ZDHHC7: variants seen among roughly 807,000 people sequenced by gnomAD.
The protein encoded by ZDHHC7 is zDHHC palmitoyltransferase 7.
In ZDHHC7, 12 loss-of-function variants were observed where a neutral mutation model predicts 34.1. The observed-to-expected ratio is 0.35, with a 90% CI of 0.23 to 0.57. The LOEUF is 0.57. Among genes scored for constraint, ZDHHC7 ranks in the 20% least tolerant of loss-of-function variants. The probability of loss-of-function intolerance (pLI) is 0.84; values close to 1 mark genes in which losing one functional copy is unlikely to be tolerated. For missense variants in ZDHHC7, 388 were observed against 402.7 expected (o/e 0.96, Z 0.31); for synonymous variants, 185 against 155.4 (o/e 1.19, Z -1.42).
chr16:85,008,060 G>A (rs9929953), intron 1 of ZDHHC7, among the ~76,000 whole-genome samples: 95,770 of 151,856 alleles, frequency 0.63, 32,555 homozygotes, highest in African/African-American at 0.89. Flanking sequence ...AGGCTGTAGT[G>A]AGCCATGATT....
At chr16:84,977,838 G>A (rs2072317852) in intron 6 of ZDHHC7, 86 bp downstream of exon 6, 1 of 1,086,992 alleles carries the variant, frequency 9.2e-7, no homozygotes, top group South Asian at 1.5e-5. Flanking sequence ...TTCAAAATTG[G>A]AAAACTGGTT....
intron 3 of ZDHHC7, among the ~76,000 whole-genome samples, chr16:84,984,523 T>A (rs764623837): frequency 5.3e-5 from 8 of 152,180 alleles, no homozygotes; most frequent in African/African-American, 9.6e-5. Flanking sequence ...GCAGCAAATA[T>A]GATACGATGT....
chr16:84,987,493 A>G (rs1365105306), intron 3 of ZDHHC7, among the ~76,000 whole-genome samples: 2 of 141,368 alleles, frequency 1.4e-5, no homozygotes, highest in South Asian at 2.3e-4. Flanking sequence ...TTTTTTTTCC[A>G]TTTTCTTTTT....
At chr16:84,987,460 T>C (rs80158454) in intron 3 of ZDHHC7, among the ~76,000 whole-genome samples, 3 of 151,234 alleles carry the variant, frequency 2.0e-5, no homozygotes, top group African/African-American at 7.3e-5. Context: ...TTTTTTTTTT[T>C]CATCATTCCC....
At position 84,975,421 on chromosome 16, in the gene ZDHHC7, C is replaced by T. The variant is rs560322762; in HGVS notation, c.*922G>A. On this transcript the variant is annotated 3_prime_UTR_variant, in exon 8 of 8. Coordinates refer to ENST00000313732, the MANE Select transcript of ZDHHC7 (RefSeq NM_017740.3). The stretch of plus-strand genomic sequence containing the variant: ...CGCAGCTCTGCTCTTACCTAGGTGC[C>T]ATTTATACACTGCTAATTTGGCTGG... 1 of 152,002 alleles carries T rather than the reference C, an allele frequency of 6.6e-6. No homozygotes were observed. Among genetic ancestry groups the T allele is most frequent in the Non-Finnish European group, 1.5e-5 (1 of 67,972 alleles). 9.4% of individuals were successfully genotyped at this position (152,002 alleles called of 1,614,324 possible).
At chr16:84,977,016 C>A in intron 7 of ZDHHC7, 79 bp downstream of exon 7, 1 of 1,574,520 alleles carries the variant, frequency 6.4e-7, no homozygotes, top group East Asian at 2.2e-5. Context: ...CCACAGGCAC[C>A]TATTGTTGAC....
chr16:84,986,839 A>T (rs970615428), intron 3 of ZDHHC7, among the ~76,000 whole-genome samples: 2 of 152,216 alleles, frequency 1.3e-5, no homozygotes, highest in Non-Finnish European at 2.9e-5. Flanking sequence ...TGTTCAGTTC[A>T]GAGGTGATGT....
At chr16:85,025,420 T>TG in the ZDHHC7 span, among the ~76,000 whole-genome samples, 182 of 111,924 alleles carry the variant, frequency 1.6e-3, no homozygotes, top group South Asian at 0.012. Flanking sequence ...ATTCCTTTTT[T>TG]GGGGGGGGGG....
chr16:85,019,181 G>A, the ZDHHC7 span, among the ~76,000 whole-genome samples: 1 of 152,090 alleles, frequency 6.6e-6, no homozygotes, highest in Non-Finnish European at 1.5e-5. Context: ...TCCCTCCCTC[G>A]CATTCCTGCA....
At chr16:84,993,538 G>C (rs1401578531) in intron 2 of ZDHHC7, among the ~76,000 whole-genome samples, 1 of 151,484 alleles carries the variant, frequency 6.6e-6, no homozygotes, top group African/African-American at 2.4e-5. Flanking sequence ...GCTGTTTGGG[G>C]GACTGACGTG....
chr16:84,992,188 G>A (rs567678882), intron 2 of ZDHHC7, among the ~76,000 whole-genome samples: 1 of 151,816 alleles, frequency 6.6e-6, no homozygotes, highest in Admixed American at 6.6e-5. Flanking sequence ...AAAAAAGTGG[G>A]TCAGGTGCGG....
the ZDHHC7 span, among the ~76,000 whole-genome samples, chr16:85,021,284 C>A: frequency 6.6e-6 from 1 of 151,538 alleles, no homozygotes; most frequent in Admixed American, 6.6e-5. Flanking sequence ...TGGTGGCGCA[C>A]ACCTTTAGTC....
chr16:85,017,580 T>C, the ZDHHC7 span, among the ~76,000 whole-genome samples: 1 of 152,156 alleles, frequency 6.6e-6, no homozygotes, highest in East Asian at 1.9e-4. Context: ...ATGAATAAAT[T>C]GTGGCGTATT....
the ZDHHC7 span, among the ~76,000 whole-genome samples, chr16:85,021,628 G>C: frequency 6.6e-6 from 1 of 151,852 alleles, no homozygotes; most frequent in Non-Finnish European, 1.5e-5. Context: ...TGAGGCACGA[G>C]AATCACTTGA....
At chr16:84,996,230 T>G (rs1168757405) in intron 1 of ZDHHC7, among the ~76,000 whole-genome samples, 3 of 152,234 alleles carry the variant, frequency 2.0e-5, no homozygotes, top group Admixed American at 2.0e-4. Context: ...TATTTCCATT[T>G]ACCCTCCTGC....
chr16:85,018,235 A>T, the ZDHHC7 span, among the ~76,000 whole-genome samples: 853 of 152,280 alleles, frequency 5.6e-3, 2 homozygotes, highest in Non-Finnish European at 9.7e-3. Flanking sequence ...AATGTTGAGT[A>T]AAAGCAGGAA....
intron 2 of ZDHHC7, among the ~76,000 whole-genome samples, chr16:84,994,428 G>C (rs1044400057): frequency 6.6e-6 from 1 of 152,210 alleles, no homozygotes; most frequent in African/African-American, 2.4e-5. Context: ...CGTTCCATGA[G>C]AAAAGGAAGG....
intron 2 of ZDHHC7, among the ~76,000 whole-genome samples, chr16:84,990,883 G>C (rs1314317572): frequency 6.6e-6 from 1 of 152,050 alleles, no homozygotes; most frequent in Non-Finnish European, 1.5e-5. Context: ...TCTATGGCCA[G>C]CCGTGGCCAC....
intron 1 of ZDHHC7, among the ~76,000 whole-genome samples, chr16:85,008,510 C>CT (rs963404012): frequency 6.9e-6 from 1 of 145,432 alleles, no homozygotes; most frequent in African/African-American, 2.7e-5. Context: ...ACACCCCCCC[C>CT]CAAAAAAAAG....
Sources: gnomAD v4.1 joint callset for allele counts (sites outside exome capture counted in the v4.1 genomes callset) on GRCh38, gnomAD v4.1.1 for gene constraint, MANE v1.5 for transcripts, NCBI Gene and HGNC (gene_info 2026-07-23, HGNC 2026-07-21) for gene names.